COL4A4: variants seen among roughly 807,000 people sequenced by gnomAD.
COL4A4 encodes collagen type IV alpha 4 chain, also known as collagen alpha-4(IV) chain.
COL4A4 carries 105 observed loss-of-function variants against 192.9 expected under a neutral mutation model. That is an observed-to-expected ratio of 0.54 (90% confidence interval 0.46 to 0.64). The LOEUF is 0.64. Among genes scored for constraint, COL4A4 ranks in the 30% least tolerant of loss-of-function variants. The pLI, the probability that COL4A4 is intolerant of heterozygous loss-of-function variation, is 0.00. For synonymous variants in COL4A4, 762 were observed against 769.9 expected, an observed-to-expected ratio of 0.99 and a Z score of 0.17; for missense variants, 1,967 against 2,169.3, an observed-to-expected ratio of 0.91 and a Z score of 1.85.
At chr2:227,164,346 C>T (rs192157391), upstream of COL4A4, 72 of 332,662 alleles carry the variant, frequency 2.2e-4, no homozygotes, top group African/African-American at 1.6e-3. This position sits in a 1 kb window ranked among gnomAD's most constrained non-coding sequence, Gnocchi z 4.8. Flanking sequence ...CACCCCACTT[C>T]CCCGCCTGGG....
At chr2:226,995,369 T>A in the COL4A4 span, 1 of 1,006,414 alleles carries the variant, frequency 9.9e-7, no homozygotes, top group Non-Finnish European at 1.6e-6. Context: ...CTTGGAATCC[T>A]AGGGTACACA....
intron 12 of COL4A4, among the ~76,000 whole-genome samples, chr2:227,105,951 A>G (rs12694711): frequency 0.56 from 85,182 of 151,706 alleles, 24,423 homozygotes; most frequent in Middle Eastern, 0.67. Context: ...TGCTTCCCGT[A>G]TTGAGGGTAA....
At chr2:227,020,547 C>A (rs1042770390) in intron 44 of COL4A4, among the ~76,000 whole-genome samples, 1 of 152,190 alleles carries the variant, frequency 6.6e-6, no homozygotes, top group Non-Finnish European at 1.5e-5. Context: ...AGAGGAACAT[C>A]TCTTGGGCAC....
chr2:227,078,890 A>G (rs1222202483), intron 24 of COL4A4, among the ~76,000 whole-genome samples: 1 of 152,206 alleles, frequency 6.6e-6, no homozygotes. Flanking sequence ...ATTGTCAACT[A>G]CCTTCCTAGG....
In COL4A4 at chr2:227,108,675, T is replaced by A; in HGVS notation, c.694-53A>T. On this transcript the variant is annotated intron_variant, in intron 11 of 47. Transcript: ENST00000396625. The stretch of plus-strand genomic sequence containing the variant: ...TTGCTTTTGAATTTTAAAAAAGTAA[T>A]TAAAAGCAATTAAGACTTCTGGCTA... 3.1e-6 allele frequency: 5 copies of A among 1,596,806 alleles called. No homozygotes were observed. The South Asian group carries it at 3.3e-5, about 11-fold the overall frequency.
intron 24 of COL4A4, among the ~76,000 whole-genome samples, chr2:227,079,527 A>T (rs1053487108): frequency 1.3e-5 from 2 of 152,142 alleles, no homozygotes; most frequent in African/African-American, 4.8e-5. Context: ...TCTCTTGTTC[A>T]CTTGGATTCT....
At chr2:227,010,632 G>T in intron 45 of COL4A4, 131 bp from the exon 46 acceptor site, 1 of 669,014 alleles carries the variant, frequency 1.5e-6, no homozygotes, top group East Asian at 2.8e-5. Flanking sequence ...GCCCCTCCTC[G>T]CCTTCTGGAA....
chr2:227,113,126 G>T (rs1227735459), intron 8 of COL4A4, among the ~76,000 whole-genome samples: 3 of 152,126 alleles, frequency 2.0e-5, no homozygotes, highest in Non-Finnish European at 4.4e-5. Context: ...AATTTACTGA[G>T]GAATTACCAT....
chr2:227,110,469 T>C (rs908132295), intron 9 of COL4A4, among the ~76,000 whole-genome samples: 4 of 152,078 alleles, frequency 2.6e-5, no homozygotes, highest in African/African-American at 9.7e-5. Context: ...CTGCATCTTC[T>C]GCCTCCTGAG....
chr2:227,022,520 T>G (rs1349096747), intron 43 of COL4A4: 1 of 554,454 alleles, frequency 1.8e-6, no homozygotes, highest in Admixed American at 1.9e-5. Context: ...GGCCATTTTT[T>G]ACTGGAGTAG....
At chr2:226,974,083 C>T in the COL4A4 span, among the ~76,000 whole-genome samples, 2 of 152,104 alleles carry the variant, frequency 1.3e-5, no homozygotes, top group Admixed American at 6.6e-5. Context: ...GTCTCACCTG[C>T]GATTCCTTTT....
intron 3 of COL4A4, among the ~76,000 whole-genome samples, chr2:227,140,534 A>C (rs1201986677): frequency 2.0e-5 from 3 of 152,178 alleles, no homozygotes; most frequent in Non-Finnish European, 4.4e-5. Flanking sequence ...GACTTAATTT[A>C]TTAAGTTGTG....
At chr2:227,061,526 C>A (rs1337121520) in intron 26 of COL4A4, among the ~76,000 whole-genome samples, 1 of 152,192 alleles carries the variant, frequency 6.6e-6, no homozygotes, top group Non-Finnish European at 1.5e-5. Flanking sequence ...CCAACAGAGA[C>A]CATCTTAGAT....
chr2:227,160,551 C>A (rs112077246), intron 1 of COL4A4, among the ~76,000 whole-genome samples: 1 of 152,148 alleles, frequency 6.6e-6, no homozygotes, highest in Non-Finnish European at 1.5e-5. Context: ...AGGACCCCCA[C>A]CCCATTCCCA....
the COL4A4 span, among the ~76,000 whole-genome samples, chr2:226,972,017 C>T: frequency 2.6e-5 from 4 of 151,756 alleles, no homozygotes; most frequent in South Asian, 2.1e-4. Context: ...CCTGTCAGCC[C>T]GTCATCTATG....
At chr2:227,140,321 T>C in intron 3 of COL4A4, 83 bp from the exon 4 acceptor site, 3 of 1,149,374 alleles carry the variant, frequency 2.6e-6, no homozygotes, top group East Asian at 2.4e-5. Context: ...ACAAGCACTC[T>C]TGGTTTACCT....
chr2:227,103,554 T>G (rs999527443), intron 13 of COL4A4, among the ~76,000 whole-genome samples: 3 of 152,248 alleles, frequency 2.0e-5, no homozygotes, highest in African/African-American at 7.2e-5. Flanking sequence ...CCAGCACTGG[T>G]AGCTGACAGA....
intron 37 of COL4A4, among the ~76,000 whole-genome samples, chr2:227,035,499 T>C (rs1471578679): frequency 2.6e-5 from 4 of 151,534 alleles, no homozygotes; most frequent in Non-Finnish European, 2.9e-5. Context: ...AGGATTTAGA[T>C]TGGTTCAAAT....
At chr2:227,115,519 G>A (rs573762791) in intron 7 of COL4A4, among the ~76,000 whole-genome samples, 4 of 151,932 alleles carry the variant, frequency 2.6e-5, no homozygotes, top group Admixed American at 1.3e-4. Flanking sequence ...TGATCCACCC[G>A]CCTCGGCCTC....
Sources: gnomAD v4.1 joint callset for allele counts (sites outside exome capture counted in the v4.1 genomes callset) on GRCh38, gnomAD v4.1.1 for gene constraint, Gnocchi (gnomAD v3.1) non-coding constraint, MANE v1.5 for transcripts, NCBI Gene and HGNC (gene_info 2026-07-23, HGNC 2026-07-21) for gene names.